Variants in CPEB2 observed in about 807,000 individuals in gnomAD.
CPEB2 encodes the protein cytoplasmic polyadenylation element-binding protein 2.
CPEB2 carries 56 observed loss-of-function variants against 93.6 expected under a neutral mutation model. That is an observed-to-expected ratio of 0.60 (90% confidence interval 0.48 to 0.75). The LOEUF is 0.75. CPEB2 is among the 30% of genes least tolerant of loss of function. The probability of loss-of-function intolerance (pLI) is 0.00; values close to 1 mark genes in which losing one functional copy is unlikely to be tolerated. For synonymous variants in CPEB2, 764 were observed against 586.3 expected (o/e 1.30, Z -4.38); for missense variants, 1,579 against 1,395.1 (o/e 1.13, Z -2.10).
chr4:15,066,449 C>A lies in CPEB2; in HGVS notation c.*69C>A. ...ATGTGGCTTACTGTGTCTGAAGATA[C>A]TGACATGCAGAAGAAATAAGTGCAT... On this transcript the variant is annotated 3_prime_UTR_variant, in exon 12 of 12. Coordinates refer to ENST00000538197, the MANE Select transcript of CPEB2 (RefSeq NM_001177382.2). 9.0e-7 allele frequency: 1 copy of A among 1,110,158 alleles called. No homozygotes were observed. Among genetic ancestry groups the A allele is most frequent in the Non-Finnish European group, 1.3e-6 (1 of 749,420 alleles). 68.8% of individuals were successfully genotyped at this position (1,110,158 alleles called of 1,614,324 possible).
chr4:15,047,273 A>G (rs1285162794), intron 6 of CPEB2, among the ~76,000 whole-genome samples: 1 of 152,164 alleles, frequency 6.6e-6, no homozygotes. Context: ...CCTTTGATTT[A>G]TCATAAATTT....
In CPEB2 at chr4:15,038,036, G is replaced by A. The variant is rs934919368; in HGVS notation, c.2177-2428G>A. Among the ~76,000 whole-genome samples, 8 of 152,300 alleles carry A rather than the reference G, an allele frequency of 5.3e-5. No homozygotes were observed. In the East Asian group the frequency reaches 1.3e-3, roughly 26 times the overall value. ...TGGCAGATTAGTTATTTCCATAACA[G>A]GGAATAGGAAATATTTCACATGGTT... On this transcript the variant is annotated intron_variant, in intron 5 of 11. Transcript: ENST00000538197.
In CPEB2 at chr4:15,003,482, C is replaced by G. The variant is rs1455275513; in HGVS notation, c.809C>G (p.Ala270Gly). Residue 270 changes from alanine to glycine, a missense_variant, in exon 1 of 12, where the codon GCA (alanine) becomes GGA (glycine). Physicochemically the swap from Ala to Gly is moderately conservative, Grantham distance 60. Coordinates refer to ENST00000538197, the MANE Select transcript of CPEB2 (RefSeq NM_001177382.2). ...PLPQLPPSPP[A>G]APRRRHGGAG... ...CCGCAGCTCCCTCCCTCGCCGCCTGCAGCCCCGCGGCGCCGCCACGGAGGC... is the reference window on the plus strand; with the variant it reads ...CCGCAGCTCCCTCCCTCGCCGCCTGGAGCCCCGCGGCGCCGCCACGGAGGC... 4 of 1,397,208 alleles carry G rather than the reference C, an allele frequency of 2.9e-6. No individual in the cohort carries two copies. The highest frequency in any genetic ancestry group is 3.7e-6 in the Non-Finnish European group (4 of 1,080,620). 86.6% of individuals were successfully genotyped at this position (1,397,208 alleles called of 1,614,324 possible).
At chr4:15,015,994 AAG>A (rs1298421728) in intron 3 of CPEB2, among the ~76,000 whole-genome samples, 1 of 152,026 alleles carries the variant, frequency 6.6e-6, no homozygotes, top group Non-Finnish European at 1.5e-5. Flanking sequence ...AAAATGCAGA[AAG>A]GGGGGACTAC....
chr4:15,004,096 G>A lies in CPEB2; in HGVS notation c.1423G>A (p.Gly475Arg), dbSNP rs1359415626. Reference sequence around the variant, plus strand: ...GCCCGTGTCGCCGCACGGCTGCACTGGGCTCAGCGTTCCGACGAGCGGCGG... The same window carrying A: ...GCCCGTGTCGCCGCACGGCTGCACTAGGCTCAGCGTTCCGACGAGCGGCGG... ...FSPVSPHGCT[G>R]LSVPTSGGGG... The change falls in exon 1 of 12, where the codon GGG becomes AGG. Residue 475 changes from glycine to arginine, a missense_variant. Around this residue, in one of 2 missense-constraint regions of CPEB2, gnomAD observed 1,411 missense variants for 1,056.0 expected, o/e 1.34. Transcript: ENST00000538197. 4 of 1,560,628 alleles carry A rather than the reference G, an allele frequency of 2.6e-6. No individual in the cohort carries two copies. The highest frequency in any genetic ancestry group is 1.7e-4 in the Middle Eastern group (1 of 5,906).
rs1448227530 is a variant in CPEB2 at position 15,008,355 on chromosome 4, G to T, written c.1962G>T (p.Gln654His). Residue 654 changes from glutamine to histidine, a missense_variant, in exon 3 of 12, where the codon CAG becomes CAT. Physicochemically the swap from Gln to His is conservative, Grantham distance 24 (BLOSUM62 0). This residue lies in a region of CPEB2 where 1,411 missense variants were observed against 1,056.0 expected (regional missense o/e 1.34). Transcript: ENST00000538197. Reference protein sequence around the residue: ...LLPLQVRSSLQLPAWGSDSLQ... With the variant: ...LLPLQVRSSLHLPAWGSDSLQ... Reference sequence around the variant, plus strand: ...TATTGAAGGTGAGATCTAGTTTGCAGTTGCCAGCTTGGGGCTCAGATTCAC... The same window carrying T: ...TATTGAAGGTGAGATCTAGTTTGCATTTGCCAGCTTGGGGCTCAGATTCAC... 2 of 1,613,774 alleles carry T rather than the reference G, an allele frequency of 1.2e-6. No individual in the cohort carries two copies. Among genetic ancestry groups the T allele is most frequent in the Non-Finnish European group, 1.7e-6 (2 of 1,179,746 alleles).
chr4:15,003,482 CA>C lies in CPEB2; in HGVS notation c.810del (p.Ala271ProfsTer37). 7 of 1,397,208 alleles carry C rather than the reference CA, an allele frequency of 5.0e-6. No individual in the cohort carries two copies. Among genetic ancestry groups the C allele is most frequent in the Non-Finnish European group, 6.5e-6 (7 of 1,080,620 alleles). The allele number at this position is 1,397,208 out of a possible 1,614,324, so 86.6% of individuals were successfully genotyped here. On this transcript the variant is annotated frameshift_variant, in exon 1 of 12. Coordinates refer to ENST00000538197, the MANE Select transcript of CPEB2 (RefSeq NM_001177382.2). LOFTEE classifies it high-confidence loss of function. ...PLPQLPPSPPAAPRRRHGGAG... is the reference protein window; with the variant it reads ...PLPQLPPSPPXAPRRRHGGAG... ...CCGCAGCTCCCTCCCTCGCCGCCTG[CA>C]GCCCCGCGGCGCCGCCACGGAGGCG...
At chr4:15,061,916 A>G (rs1214844885) in intron 10 of CPEB2, among the ~76,000 whole-genome samples, 163 bp from the exon 11 acceptor site, 2 of 150,572 alleles carry the variant, frequency 1.3e-5, no homozygotes, top group East Asian at 3.9e-4. Context: ...TAAAAAAAGC[A>G]TCCTCGATCC....
intron 11 of CPEB2, among the ~76,000 whole-genome samples, chr4:15,063,431 G>A (rs1729395577): frequency 6.6e-6 from 1 of 151,256 alleles, no homozygotes; most frequent in Admixed American, 6.6e-5. Flanking sequence ...TAACTTTTCT[G>A]AACTTGTCTG....
chr4:15,004,455 C>A, intron 1 of CPEB2, 120 bp downstream of exon 1: 1 of 679,412 alleles, frequency 1.5e-6, no homozygotes, highest in Non-Finnish European at 2.2e-6. Flanking sequence ...CGACGGGGGC[C>A]ACTCGCCCAA....
chr4:15,017,271 T>C lies in CPEB2; in HGVS notation c.2118T>C (p.Pro706=), dbSNP rs1343281691. The change falls in exon 4 of 12, where the codon CCT becomes CCC. Residue 706 remains proline, a synonymous_variant. Transcript: ENST00000538197. The part of the protein sequence containing the change: ...LIDIMRAEHD[P]LKGRLSYPHP... ...ATATTATGAGAGCAGAGCATGATCC[T>C]CTTAAGGGTAGGTGACTTTTTAAAA... is the stretch of plus-strand genomic sequence containing the variant. 1 of 1,572,306 alleles carries C rather than the reference T, an allele frequency of 6.4e-7. No homozygotes were observed. Among genetic ancestry groups the C allele is most frequent in the Non-Finnish European group, 8.7e-7 (1 of 1,149,632 alleles).
At position 15,003,823 on chromosome 4, in the gene CPEB2, T is replaced by C. The variant is rs1722370481; in HGVS notation, c.1150T>C (p.Ser384Pro). The C allele has an allele frequency of 1.1e-6, 1 of 949,994 alleles. No homozygotes were observed. Among genetic ancestry groups the C allele is most frequent in the South Asian group, 3.6e-5 (1 of 28,054 alleles). 58.8% of individuals were successfully genotyped at this position (949,994 alleles called of 1,614,324 possible). ...GCTGCCCGGCTTCGGCACCCCCTGG[T>C]CGGTGCAGACCGCGTCGCCGCCACC... ...PPLPGFGTPWSVQTASPPPQP... is the reference protein window; with the variant it reads ...PPLPGFGTPWPVQTASPPPQP... Residue 384 changes from serine (S) to proline (P), a missense_variant, in exon 1 of 12, where the codon TCG becomes CCG. Transcript: ENST00000538197.
rs766533750 is a variant in CPEB2 at position 15,003,735 on chromosome 4, CGGCGGCGGG to C, written c.1068_1076del (p.Gly358_Gly360del). 1 of 1,211,464 alleles carries C rather than the reference CGGCGGCGGG, an allele frequency of 8.3e-7. No homozygotes were observed. Among genetic ancestry groups the C allele is most frequent in the South Asian group, 2.8e-5 (1 of 35,964 alleles). The allele number at this position is 1,211,464 out of a possible 1,614,324, so 75.0% of individuals were successfully genotyped here. On this transcript the variant is annotated inframe_deletion, in exon 1 of 12. Coordinates refer to ENST00000538197, the MANE Select transcript of CPEB2 (RefSeq NM_001177382.2). ...ACCTTCCACACCCGGGCGGCGGCGG[CGGCGGCGGG>C]GGCGGGGGGCCCCCAGGAGGCGGAG...
At chr4:15,005,323 T>C (rs1456397595) in intron 1 of CPEB2, among the ~76,000 whole-genome samples, 3 of 152,238 alleles carry the variant, frequency 2.0e-5, no homozygotes, top group Non-Finnish European at 4.4e-5. Context: ...TTCGGTACAT[T>C]TTTTGGTTGC....
intron 10 of CPEB2, among the ~76,000 whole-genome samples, chr4:15,059,696 ATTAAAG>A (rs1400019478): frequency 6.6e-6 from 1 of 152,142 alleles, no homozygotes; most frequent in Non-Finnish European, 1.5e-5. Flanking sequence ...TATTTTAATC[ATTAAAG>A]TAGCACTTTA....
Position 15,068,703 on chromosome 4 carries a change from A to G in CPEB2, c.*2323A>G, listed in dbSNP as rs1729878453. On this transcript the variant is annotated 3_prime_UTR_variant, in exon 12 of 12. Coordinates refer to ENST00000538197, the MANE Select transcript of CPEB2 (RefSeq NM_001177382.2). Reference sequence around the variant, plus strand: ...GTATTAAATAATGAACACAAATTATATAATTAAAATAATTGGAGATGTTGA... The same window carrying G: ...GTATTAAATAATGAACACAAATTATGTAATTAAAATAATTGGAGATGTTGA... The G allele has an allele frequency of 1.3e-5, 2 of 152,324 alleles. No homozygotes were observed. Among genetic ancestry groups the G allele is most frequent in the African/African-American group, 2.4e-5 (1 of 41,428 alleles). The allele number at this position is 152,324 out of a possible 1,614,324, so 9.4% of individuals were successfully genotyped here.
chr4:15,061,481 A>C (rs1729185465), intron 10 of CPEB2, among the ~76,000 whole-genome samples: 1 of 151,926 alleles, frequency 6.6e-6, no homozygotes, highest in Non-Finnish European at 1.5e-5. Context: ...TAGATTGACC[A>C]TTGGACTTGG....
intron 3 of CPEB2, 102 bp downstream of exon 3, chr4:15,008,529 C>A: frequency 1.5e-6 from 1 of 685,026 alleles, no homozygotes; most frequent in Non-Finnish European, 2.4e-6. Context: ...CCTATTGAAA[C>A]ATATGTTAGA....
intron 3 of CPEB2, among the ~76,000 whole-genome samples, chr4:15,014,641 A>G (rs1723887634): frequency 6.6e-6 from 1 of 152,076 alleles, no homozygotes; most frequent in Non-Finnish European, 1.5e-5. Context: ...TTTAAAAAGT[A>G]CAGTCTTTCT....
Sources: gnomAD v4.1 joint callset for allele counts (sites outside exome capture counted in the v4.1 genomes callset) on GRCh38, gnomAD v4.1.1 for gene constraint, gnomAD v4.1.1 regional missense constraint, MANE v1.5 for transcripts, NCBI Gene and HGNC (gene_info 2026-07-23, HGNC 2026-07-21) for gene names.